CDC27: variants seen among roughly 807,000 people sequenced by gnomAD.
The protein encoded by CDC27 is cell division cycle 27.
In CDC27, 27 loss-of-function variants were observed where a neutral mutation model predicts 109.7. That is an observed-to-expected ratio of 0.25 (90% CI 0.18 to 0.34). The LOEUF (loss-of-function observed/expected upper bound fraction) is 0.34. Among genes scored for constraint, CDC27 ranks in the 10% least tolerant of loss-of-function variants. The probability of loss-of-function intolerance (pLI) is 1.00; values close to 1 mark genes in which losing one functional copy is unlikely to be tolerated. For missense variants in CDC27, 579 were observed against 960.2 expected, an observed-to-expected ratio of 0.60 and a Z score of 5.25; for synonymous variants, 266 against 333.9, an observed-to-expected ratio of 0.80 and a Z score of 2.22.
intron 16 of CDC27, among the ~76,000 whole-genome samples, chr17:47,124,178 AACACACACACAC>A (rs59790354): frequency 2.8e-5 from 4 of 144,392 alleles, no homozygotes; most frequent in Admixed American, 1.4e-4. Context: ...GTACACTGAA[AACACACACACAC>A]ACACACACAC....
intron 1 of CDC27, among the ~76,000 whole-genome samples, chr17:47,182,889 G>A (rs79048040): frequency 0.089 from 13,580 of 151,888 alleles, 832 homozygotes; most frequent in Non-Finnish European, 0.13. Context: ...AGCCTATCAC[G>A]GTGGTGTGAG....
chr17:47,177,154 T>C (rs1296626225), intron 2 of CDC27, among the ~76,000 whole-genome samples: 1 of 152,074 alleles, frequency 6.6e-6, no homozygotes, highest in Non-Finnish European at 1.5e-5. Flanking sequence ...TGCATTCAAG[T>C]AGGGCGCAGC....
At chr17:47,162,782 A>T (rs2148938521) in intron 4 of CDC27, among the ~76,000 whole-genome samples, 1 of 152,316 alleles carries the variant, frequency 6.6e-6, no homozygotes, top group Non-Finnish European at 1.5e-5. Context: ...TAAGTTGGCA[A>T]GGCTGATTTT....
chr17:47,188,736 C>T, intron 1 of CDC27: 1 of 1,021,686 alleles, frequency 9.8e-7, no homozygotes. Context: ...CCTCCGTAAA[C>T]TTGCCCTACC....
At chr17:47,137,991 G>A (rs761668489) in intron 13 of CDC27, among the ~76,000 whole-genome samples, 4 of 151,810 alleles carry the variant, frequency 2.6e-5, no homozygotes, top group African/African-American at 7.3e-5. Context: ...TGTGGAGAAG[G>A]GTTTTGCCAT....
rs112692466 is a variant in CDC27, at chr17:47,189,211, C to A, written c.-39G>T. On this transcript the variant is annotated 5_prime_UTR_variant, in exon 1 of 19. Coordinates refer to ENST00000066544, the MANE Select transcript of CDC27 (RefSeq NM_001256.6). ...GCCCACTTTCTGCAGTGCCTCAGGC[C>A]CCCCCTGTAGCGGCTCCGGCCCGGC... The A allele has an allele frequency of 1.7e-5, 26 of 1,574,274 alleles. No individual in the cohort carries two copies. The highest frequency in any genetic ancestry group is 3.3e-4 in the Middle Eastern group (2 of 6,002).
intron 2 of CDC27, among the ~76,000 whole-genome samples, chr17:47,176,572 G>GA (rs1355061448): frequency 6.6e-6 from 1 of 152,104 alleles, no homozygotes; most frequent in Non-Finnish European, 1.5e-5. Context: ...TATATGAGGA[G>GA]AAAAAAGATG....
chr17:47,175,802 C>T (rs955670525), intron 2 of CDC27, among the ~76,000 whole-genome samples: 1 of 151,958 alleles, frequency 6.6e-6, no homozygotes, highest in Non-Finnish European at 1.5e-5. Context: ...GGCAACAGAG[C>T]GAGACTCTGT....
At chr17:47,143,348 A>G (rs2062856965) in intron 10 of CDC27, among the ~76,000 whole-genome samples, 1 of 152,344 alleles carries the variant, frequency 6.6e-6, no homozygotes, top group African/African-American at 2.4e-5. Context: ...TAACCATAGT[A>G]TATCATCATA....
At position 47,135,396 on chromosome 17, in the gene CDC27, T is replaced by C. The variant is rs531031150; in HGVS notation, c.1913+1756A>G. 1.7e-3 allele frequency among the ~76,000 whole-genome samples: 254 copies of C among 151,680 alleles called. 2 individuals are homozygous for C. The highest frequency in any genetic ancestry group is 3.4e-3 in the Middle Eastern group (1 of 294). ...TGGTTTATATTACGGAGACTTCTCA[T>C]GGCCATAACTAGATGATGATGATGA... On this transcript the variant is annotated intron_variant, in intron 14 of 18. Transcript: ENST00000066544.
At position 47,137,319 on chromosome 17, in the gene CDC27, T is replaced by C. The variant is rs11570543; in HGVS notation, c.1746A>G (p.Glu582=). The change falls in exon 14 of 19, where the codon GAA becomes GAG. Residue 582 remains glutamate, a synonymous_variant. Coordinates refer to ENST00000066544, the MANE Select transcript of CDC27 (RefSeq NM_001256.6). ...AAGNCFSLQR[E]HDIAIKFFQR... ...GGAAGAATTTAATTGCAATATCATGTTCCCGTTGCAGACTGAAACAGTTCC... is the reference window on the plus strand; with the variant it reads ...GGAAGAATTTAATTGCAATATCATGCTCCCGTTGCAGACTGAAACAGTTCC... The C allele has an allele frequency of 0.072, 116,543 of 1,608,082 alleles. 4,713 individuals are homozygous for C. The highest frequency in any genetic ancestry group is 0.12 in the African/African-American group (8,724 of 74,782).
chr17:47,127,407 T>C (rs2062176877), intron 16 of CDC27, among the ~76,000 whole-genome samples: 1 of 152,142 alleles, frequency 6.6e-6, no homozygotes, highest in South Asian at 2.1e-4. Context: ...AGCCTATTTT[T>C]ACGTTTTTTT....
chr17:47,174,535 A>G (rs1482206411), intron 2 of CDC27, among the ~76,000 whole-genome samples: 2 of 152,234 alleles, frequency 1.3e-5, no homozygotes, highest in African/African-American at 4.8e-5. Flanking sequence ...TTGCATAATC[A>G]TGAATGAAGT....
At position 47,182,779 on chromosome 17, in the gene CDC27, T is replaced by C. The variant is rs558486668; in HGVS notation, c.28-1142A>G. On this transcript the variant is annotated intron_variant, in intron 1 of 18. Transcript: ENST00000066544. ...TTACAGCATGTGGACATTTGGGTTA[T>C]TTCTAGGGTGTTTTTTTGTTTTGTT... Among the ~76,000 whole-genome samples the C allele has an allele frequency of 2.0e-4, 31 of 152,342 alleles. 1 individual carries two copies. In the South Asian group the frequency reaches 6.4e-3, roughly 32 times the overall value.
chr17:47,149,683 G>A (rs1056514033), intron 9 of CDC27, among the ~76,000 whole-genome samples: 5 of 151,952 alleles, frequency 3.3e-5, no homozygotes, highest in Non-Finnish European at 5.9e-5. Flanking sequence ...AGCTGGGCAT[G>A]GTAGCTCATG....
At chr17:47,151,341 A>G (rs2063145126) in intron 9 of CDC27, among the ~76,000 whole-genome samples, 1 of 152,236 alleles carries the variant, frequency 6.6e-6, no homozygotes, top group Non-Finnish European at 1.5e-5. Flanking sequence ...AGAAAATTGT[A>G]TCTTCCTTTT....
At chr17:47,149,235 G>A (rs1005384495) in intron 9 of CDC27, among the ~76,000 whole-genome samples, 2 of 151,706 alleles carry the variant, frequency 1.3e-5, no homozygotes, top group East Asian at 3.9e-4. Flanking sequence ...AAAAGGCCAG[G>A]TGCGGTGGGG....
chr17:47,179,719 G>T (rs1425790636), intron 2 of CDC27, among the ~76,000 whole-genome samples: 1 of 152,118 alleles, frequency 6.6e-6, no homozygotes, highest in African/African-American at 2.4e-5. Context: ...ACCGAATGGT[G>T]AGGTTCTATA....
chr17:47,132,606 C>G (rs906416277), intron 14 of CDC27, among the ~76,000 whole-genome samples: 1 of 151,186 alleles, frequency 6.6e-6, no homozygotes, highest in African/African-American at 2.4e-5. Flanking sequence ...CACTCTGTCA[C>G]CCAGGCTGGA....
Sources: gnomAD v4.1 joint callset for allele counts (sites outside exome capture counted in the v4.1 genomes callset) on GRCh38, gnomAD v4.1.1 for gene constraint, MANE v1.5 for transcripts, NCBI Gene and HGNC (gene_info 2026-07-23, HGNC 2026-07-21) for gene names.